Variants in WDHD1 observed in about 807,000 individuals in gnomAD.
WDHD1 encodes WD repeat and HMG-box DNA binding protein 1, also known as WD repeat and HMG-box DNA-binding protein 1.
Under a neutral mutation model 135.4 loss-of-function variants are expected in WDHD1, and 111 were observed. The observed-to-expected ratio is 0.82, with a 90% confidence interval of 0.70 to 0.96. The LOEUF (loss-of-function observed/expected upper bound fraction) is 0.96, where lower values mean the gene tolerates loss of function less well. WDHD1 is among the 40% of genes least tolerant of loss of function. WDHD1 has a pLI of 0.00. For missense variants in WDHD1, 1,351 were observed against 1,336.3 expected (o/e 1.01, Z -0.17); for synonymous variants, 434 against 439.0 (o/e 0.99, Z 0.14).
intron 21 of WDHD1, among the ~76,000 whole-genome samples, 194 bp downstream of exon 21, chr14:54,962,304 T>C (rs2041264651): frequency 6.6e-6 from 1 of 152,086 alleles, no homozygotes; most frequent in Non-Finnish European, 1.5e-5. Context: ...TGCCTGACAC[T>C]CAATAGGCAT....
chr14:54,942,890 C>T (rs960898216), intron 25 of WDHD1, among the ~76,000 whole-genome samples: 2 of 152,178 alleles, frequency 1.3e-5, no homozygotes, highest in African/African-American at 2.4e-5. Context: ...CAGACTTTGC[C>T]AAGTCTCTTC....
At chr14:55,001,952 T>A (rs1340742595) in intron 8 of WDHD1, 141 bp downstream of exon 8, 1 of 628,936 alleles carries the variant, frequency 1.6e-6, no homozygotes, top group Middle Eastern at 2.6e-4. Flanking sequence ...GAAGAAAGGA[T>A]GAGCTGTTAG....
chr14:55,003,926 T>G (rs895436462), intron 7 of WDHD1, among the ~76,000 whole-genome samples: 1 of 152,198 alleles, frequency 6.6e-6, no homozygotes, highest in African/African-American at 2.4e-5. Flanking sequence ...TCTAATGGGT[T>G]TCTATTGATT....
intron 24 of WDHD1, among the ~76,000 whole-genome samples, chr14:54,953,096 A>G (rs879287317): frequency 2.6e-5 from 4 of 152,218 alleles, no homozygotes; most frequent in Admixed American, 2.0e-4. Context: ...CACCAAAAGC[A>G]ATGGCAACAA....
At chr14:55,009,886 T>A (rs1051948149) in intron 4 of WDHD1, among the ~76,000 whole-genome samples, 1 of 152,008 alleles carries the variant, frequency 6.6e-6, no homozygotes. Context: ...AGTGGCACCA[T>A]CTTGGCTCAC....
In WDHD1 at chr14:54,949,767, G is replaced by A. The variant is rs982364127; in HGVS notation, c.3051-5297C>T. On this transcript the variant is annotated intron_variant, in intron 24 of 25. Coordinates refer to ENST00000360586, the MANE Select transcript of WDHD1 (RefSeq NM_007086.4). ...AGAAAGGTTAGGTTACCCACAAAGG[G>A]AAGCCCATCAGACTAACAGCTGATC... 3.9e-5 allele frequency among the ~76,000 whole-genome samples: 6 copies of A among 152,180 alleles called. No homozygotes were observed. The East Asian group carries it at 1.2e-3, about 29-fold the overall frequency.
chr14:55,001,992 T>C, intron 8 of WDHD1, 101 bp downstream of exon 8: 1 of 807,468 alleles, frequency 1.2e-6, no homozygotes. Context: ...AGCCAGGAGT[T>C]GTTTTCCATT....
At chr14:54,974,646 C>A (rs919687057) in intron 16 of WDHD1, among the ~76,000 whole-genome samples, 2 of 151,682 alleles carry the variant, frequency 1.3e-5, no homozygotes, top group Non-Finnish European at 2.9e-5. Flanking sequence ...GGCAACCTGG[C>A]GAAACACTGT....
chr14:54,981,390 A>G (rs999590350), intron 16 of WDHD1, 150 bp downstream of exon 16: 29 of 689,802 alleles, frequency 4.2e-5, no homozygotes, highest in African/African-American at 4.1e-4. Context: ...AAAACTTCAG[A>G]GTGAATATGA....
chr14:54,948,336 T>C (rs573925833), intron 24 of WDHD1, among the ~76,000 whole-genome samples: 2 of 152,104 alleles, frequency 1.3e-5, no homozygotes, highest in Admixed American at 6.6e-5. Context: ...ACCTGGAAAA[T>C]TGGGTCACCC....
rs1405535518 is a variant in WDHD1, at chr14:54,940,363, T to C, written c.*1127A>G. 1 of 152,188 alleles carries C rather than the reference T, an allele frequency of 6.6e-6. No individual in the cohort carries two copies. Among genetic ancestry groups the C allele is most frequent in the Non-Finnish European group, 1.5e-5 (1 of 68,024 alleles). 9.4% of individuals were successfully genotyped at this position (152,188 alleles called of 1,614,324 possible). On this transcript the variant is annotated 3_prime_UTR_variant, in exon 26 of 26. Coordinates refer to ENST00000360586, the MANE Select transcript of WDHD1 (RefSeq NM_007086.4). ...CAGCTACTAATTAAAAAATAAAAAA[T>C]GTATGTTTTCCTAACTTTAATCATC...
intron 2 of WDHD1, among the ~76,000 whole-genome samples, chr14:55,014,525 T>C (rs2042228824): frequency 6.6e-6 from 1 of 152,188 alleles, no homozygotes; most frequent in South Asian, 2.1e-4. Context: ...CCTTAATAAA[T>C]GTTTGTTGAA....
chr14:55,025,369 T>C (rs868257110), intron 2 of WDHD1, among the ~76,000 whole-genome samples: 44 of 151,682 alleles, frequency 2.9e-4, no homozygotes, highest in African/African-American at 1.0e-3. Context: ...GGATCCTCCA[T>C]ATGCTGAACG....
intron 15 of WDHD1, among the ~76,000 whole-genome samples, chr14:54,982,342 T>C (rs2041632585): frequency 1.3e-5 from 2 of 152,056 alleles, no homozygotes; most frequent in Admixed American, 1.3e-4. Flanking sequence ...TAGTAAAAAA[T>C]TAAACATGAA....
At chr14:54,972,261 T>C (rs182455480) in intron 16 of WDHD1, among the ~76,000 whole-genome samples, 5 of 120,348 alleles carry the variant, frequency 4.2e-5, no homozygotes, top group Non-Finnish European at 6.8e-5. Flanking sequence ...GGAGACAGAG[T>C]GAGACTCGGT....
chr14:54,961,309 C>T (rs2041248294), intron 21 of WDHD1, among the ~76,000 whole-genome samples: 2 of 152,046 alleles, frequency 1.3e-5, no homozygotes, highest in South Asian at 4.2e-4. Flanking sequence ...CAGAGTGACA[C>T]CCCATCTCTA....
At chr14:55,002,731 A>G (rs2041997567) in intron 7 of WDHD1, among the ~76,000 whole-genome samples, 1 of 152,114 alleles carries the variant, frequency 6.6e-6, no homozygotes, top group East Asian at 1.9e-4. Context: ...CAGCCTCCCA[A>G]ATAGCTAGGA....
intron 15 of WDHD1, among the ~76,000 whole-genome samples, chr14:54,982,827 ATATT>A (rs1326922375): frequency 6.6e-6 from 1 of 152,218 alleles, no homozygotes; most frequent in Non-Finnish European, 1.5e-5. Flanking sequence ...AAAAAGAGAA[ATATT>A]TAAGTCCCCA....
At chr14:55,004,854 G>A in intron 7 of WDHD1, 5 of 510,142 alleles carry the variant, frequency 9.8e-6, no homozygotes, top group Non-Finnish European at 1.9e-5. Context: ...TCAGTGGTCT[G>A]AGCAGTGGGG....
Sources: gnomAD v4.1 joint callset for allele counts (sites outside exome capture counted in the v4.1 genomes callset) on GRCh38, gnomAD v4.1.1 for gene constraint, MANE v1.5 for transcripts, NCBI Gene and HGNC (gene_info 2026-07-23, HGNC 2026-07-21) for gene names.